The following RORC variants were observed in gnomAD, a reference collection of about 807,000 sequenced individuals.
RORC encodes the protein nuclear receptor ROR-gamma.
In RORC, 13 loss-of-function variants were observed where a neutral mutation model predicts 64.5. The ratio of observed to expected loss-of-function variants is 0.20; its 90% CI spans 0.13 to 0.32. The LOEUF (loss-of-function observed/expected upper bound fraction) is 0.32, where lower values mean the gene tolerates loss of function less well. RORC is among the 10% of genes least tolerant of loss of function. The probability of loss-of-function intolerance (pLI) is 1.00; values close to 1 mark genes in which losing one functional copy is unlikely to be tolerated. For missense variants in RORC, 468 were observed against 669.5 expected (o/e 0.70, Z 3.32); for synonymous variants, 277 against 259.3 (o/e 1.07, Z -0.65).
At chr1:151,811,653 T>C in intron 9 of RORC, 1 of 393,682 alleles carries the variant, frequency 2.5e-6, no homozygotes, top group Non-Finnish European at 4.7e-6. Context: ...TATGAGAATT[T>C]CTGATCTCCT....
chr1:151,812,597 C>A (rs1295328777), intron 9 of RORC: 1 of 197,920 alleles, frequency 5.1e-6, no homozygotes, highest in Non-Finnish European at 1.0e-5. Context: ...GGGACCCAGG[C>A]AGCAATAGTT....
chr1:151,814,435 G>T, intron 6 of RORC, 139 bp downstream of exon 6: 1 of 783,890 alleles, frequency 1.3e-6, no homozygotes, highest in Non-Finnish European at 2.1e-6. Context: ...TACATAAAAG[G>T]TGTGCACATG....
In RORC at chr1:151,815,275, G is replaced by A. The variant is rs1252018265; in HGVS notation, c.449C>T (p.Thr150Ile). 5 of 1,610,680 alleles carry A rather than the reference G, an allele frequency of 3.1e-6. No homozygotes were observed. Among genetic ancestry groups the A allele is most frequent in the Admixed American group, 3.3e-5 (2 of 59,728 alleles). Residue 150 changes from threonine (T) to isoleucine (I), a missense_variant, in exon 5 of 11, where the codon ACC becomes ATC. Coordinates refer to ENST00000318247, the MANE Select transcript of RORC (RefSeq NM_005060.4). ...GAQGADTLTYTLGLPDGQLPL... is the reference protein window; with the variant it reads ...GAQGADTLTYILGLPDGQLPL... ...CAGCTGCCCGTCTGGGAGCCCCAAG[G>A]TGTAGGTGAGGGTATCTGCTCCTTG...
At chr1:151,819,910 G>A (rs1249655094) in intron 2 of RORC, among the ~76,000 whole-genome samples, 1 of 152,206 alleles carries the variant, frequency 6.6e-6, no homozygotes, top group Non-Finnish European at 1.5e-5. Context: ...AGTACCCAGT[G>A]AGACAGACAC....
At position 151,815,147 on chromosome 1, in the gene RORC, C is replaced by A. The variant is rs201949053; in HGVS notation, c.577G>T (p.Ala193Ser). ...TGGCATGAGGCCCCATTGAGCCCTGCCTTGGCCAAGTTGTTGGAATATGAG... is the reference window on the plus strand; with the variant it reads ...TGGCATGAGGCCCCATTGAGCCCTGACTTGGCCAAGTTGTTGGAATATGAG... ...GPSYSNNLAK[A>S]GLNGASCHLE... The change falls in exon 5 of 11, where the codon GCA becomes TCA. Residue 193 changes from alanine (A) to serine (S), a missense_variant. Physicochemically the swap from Ala to Ser is moderately conservative, Grantham distance 99 (BLOSUM62 1). Transcript: ENST00000318247. 40 of 1,613,904 alleles carry A rather than the reference C, an allele frequency of 2.5e-5. No individual in the cohort carries two copies. Among genetic ancestry groups the A allele is most frequent in the Non-Finnish European group, 3.4e-5 (40 of 1,179,938 alleles).
chr1:151,816,562 G>A (rs1441089654), intron 4 of RORC, 102 bp downstream of exon 4: 1 of 1,238,304 alleles, frequency 8.1e-7, no homozygotes, highest in African/African-American at 1.5e-5. Context: ...GGAGACCAGA[G>A]GATGGGCCGT....
intron 2 of RORC, among the ~76,000 whole-genome samples, chr1:151,822,622 G>C (rs1441148034): frequency 6.6e-6 from 1 of 152,192 alleles, no homozygotes; most frequent in East Asian, 1.9e-4. Context: ...GGAAGCTCTG[G>C]CGAGTGGGAG....
At chr1:151,827,570 G>C (rs1355748039) in intron 2 of RORC, among the ~76,000 whole-genome samples, 1 of 152,186 alleles carries the variant, frequency 6.6e-6, no homozygotes, top group Non-Finnish European at 1.5e-5. Context: ...CTCAATTCAG[G>C]AGCCAATTTT....
rs749314860 is a variant in RORC, at chr1:151,812,993, G to A, written c.1239C>T (p.Ser413=). The A allele has an allele frequency of 3.7e-5, 59 of 1,613,888 alleles. No individual in the cohort carries two copies. Among genetic ancestry groups the A allele is most frequent in the Non-Finnish European group, 4.2e-5 (50 of 1,179,926 alleles). The change falls in exon 9 of 11, where the codon TCC becomes TCT. Residue 413 remains serine (S), a synonymous_variant. Coordinates refer to ENST00000318247, the MANE Select transcript of RORC (RefSeq NM_005060.4). Reference sequence around the variant, plus strand: ...CTGTGTAGAGGGCAATCTCATCCTCGGAAAAGTGCAAGGCACTTAGGGAGT... The same window carrying A: ...CTGTGTAGAGGGCAATCTCATCCTCAGAAAAGTGCAAGGCACTTAGGGAGT... ...FSHSLSALHF[S]EDEIALYTAL...
At chr1:151,814,754 C>G in intron 5 of RORC, 59 bp from the exon 6 acceptor site, 5 of 1,575,100 alleles carry the variant, frequency 3.2e-6, no homozygotes, top group Non-Finnish European at 4.3e-6. Flanking sequence ...CCTACCCATG[C>G]AAGGGCACTT....
rs1354078751 is a variant in RORC, at chr1:151,806,892, C to T, written c.*580G>A. The T allele has an allele frequency of 6.6e-6, 1 of 152,300 alleles. No individual in the cohort carries two copies. Among genetic ancestry groups the T allele is most frequent in the Admixed American group, 6.5e-5 (1 of 15,272 alleles). The allele number at this position is 152,300 out of a possible 1,614,324, so 9.4% of individuals were successfully genotyped here. On this transcript the variant is annotated 3_prime_UTR_variant, in exon 11 of 11. Coordinates refer to ENST00000318247, the MANE Select transcript of RORC (RefSeq NM_005060.4). ...CATCCCATCCATTTTTGGTTAGACC[C>T]CAGGTAAAGGGTAGGGTGCCCAAAT...
Position 151,807,409 on chromosome 1 carries a change from G to T in RORC, c.*63C>A. On this transcript the variant is annotated 3_prime_UTR_variant, in exon 11 of 11. Transcript: ENST00000318247. This position sits in a 1 kb window ranked among gnomAD's most constrained non-coding sequence, Gnocchi z 5.0. ...ATGGGAAAGGAAAAGGGTGAGGGTG[G>T]AACGGGGTCCAGGGAGGTGGGCCAG... The T allele has an allele frequency of 6.5e-7, 1 of 1,540,306 alleles. No individual in the cohort carries two copies. The highest frequency in any genetic ancestry group is 8.9e-7 in the Non-Finnish European group (1 of 1,122,096).
chr1:151,826,603 G>A (rs1345502496), intron 2 of RORC, among the ~76,000 whole-genome samples: 2 of 152,110 alleles, frequency 1.3e-5, no homozygotes, highest in African/African-American at 4.8e-5. Flanking sequence ...CTTGCGCTAG[G>A]GAATACATGG....
At chr1:151,826,115 A>G (rs201055804) in intron 2 of RORC, 4 of 1,325,436 alleles carry the variant, frequency 3.0e-6, no homozygotes, top group Non-Finnish European at 3.9e-6. Flanking sequence ...TAAGCTCTGC[A>G]CCACACAGGT....
At position 151,806,673 on chromosome 1, in the gene RORC, T is replaced by C. The variant is rs1240691304; in HGVS notation, c.*799A>G. ...TGTCTCTGGAACTGCATGATTGCTG[T>C]TGAGTCTGTATGTGTTTCACCTGTG... On this transcript the variant is annotated 3_prime_UTR_variant, in exon 11 of 11. Coordinates refer to ENST00000318247, the MANE Select transcript of RORC (RefSeq NM_005060.4). 4 of 152,246 alleles carry C rather than the reference T, an allele frequency of 2.6e-5. No homozygotes were observed. The highest frequency in any genetic ancestry group is 4.4e-5 in the Non-Finnish European group (3 of 68,064). The allele number at this position is 152,246 out of a possible 1,614,324, so 9.4% of individuals were successfully genotyped here.
At chr1:151,816,604 G>T (rs940439345) in intron 4 of RORC, 60 bp downstream of exon 4, 26 of 1,507,646 alleles carry the variant, frequency 1.7e-5, no homozygotes, top group Non-Finnish European at 2.1e-5. Flanking sequence ...AGCTCAGCAG[G>T]CCAGGCTGCC....
chr1:151,813,828 C>T lies in RORC; in HGVS notation c.934-208G>A, dbSNP rs1651637781. The T allele has an allele frequency of 5.2e-6, 3 of 574,064 alleles. No individual in the cohort carries two copies. In the South Asian group the frequency reaches 6.7e-5, roughly 13 times the overall value. 35.6% of individuals were successfully genotyped at this position (574,064 alleles called of 1,614,324 possible). A position where few individuals can be genotyped will look rare whatever the true frequency, so the allele number is the denominator to read the frequency against. On this transcript the variant is annotated intron_variant, in intron 6 of 10. Transcript: ENST00000318247. Reference sequence around the variant, plus strand: ...CTGAGCACCTACCGGCTGCTGACACCGAGTTAGCTGTTGTGAGGGAATCCA... The same window carrying T: ...CTGAGCACCTACCGGCTGCTGACACTGAGTTAGCTGTTGTGAGGGAATCCA...
intron 2 of RORC, among the ~76,000 whole-genome samples, chr1:151,821,086 C>T (rs760823334): frequency 1.4e-4 from 21 of 152,216 alleles, no homozygotes; most frequent in Non-Finnish European, 2.9e-4. Context: ...AGGGGAAATA[C>T]GGTAGAGGCA....
chr1:151,816,843 G>C (rs766486635), intron 3 of RORC, 38 bp from the exon 4 acceptor site: 1 of 1,488,446 alleles, frequency 6.7e-7, no homozygotes, highest in African/African-American at 1.4e-5. Context: ...TGCTTATCCT[G>C]GTCAGGCCCA....
Sources: allele counts gnomAD v4.1 joint callset (sites outside exome capture counted in the v4.1 genomes callset), GRCh38; gene constraint gnomAD v4.1.1; non-coding constraint Gnocchi (gnomAD v3.1); transcripts MANE v1.5; gene names NCBI Gene and HGNC (gene_info 2026-07-23, HGNC 2026-07-21).